MYO1E: variants seen among roughly 807,000 people sequenced by gnomAD.
The protein encoded by MYO1E is unconventional myosin-Ie.
MYO1E carries 68 observed loss-of-function variants against 151.1 expected under a neutral mutation model. The ratio of observed to expected loss-of-function variants is 0.45; its 90% CI spans 0.37 to 0.55. MYO1E has a LOEUF of 0.55. MYO1E is among the 20% of genes least tolerant of loss of function. MYO1E has a pLI of 0.00. For synonymous variants in MYO1E, 601 were observed against 501.7 expected, an observed-to-expected ratio of 1.20 and a Z score of -2.64; for missense variants, 1,363 against 1,389.3, an observed-to-expected ratio of 0.98 and a Z score of 0.30.
In MYO1E at chr15:59,222,508, A is replaced by G. The variant is rs116958997; in HGVS notation, c.910+551T>C. Among the ~76,000 whole-genome samples the G allele has an allele frequency of 1.9e-3, 286 of 152,342 alleles. No individual in the cohort carries two copies. In the Middle Eastern group the frequency reaches 0.02, roughly 11 times the overall value. On this transcript the variant is annotated intron_variant, in intron 9 of 27. Transcript: ENST00000288235. ...TCCAGGTATACAGATGTGATCATTAAAAGTGATCATCAGAAATGTCAACAC... is the reference window on the plus strand; with the variant it reads ...TCCAGGTATACAGATGTGATCATTAGAAGTGATCATCAGAAATGTCAACAC...
intron 1 of MYO1E, among the ~76,000 whole-genome samples, chr15:59,364,403 T>A (rs1205954418): frequency 6.6e-6 from 1 of 152,148 alleles, no homozygotes; most frequent in Non-Finnish European, 1.5e-5. Flanking sequence ...GCGGTTCTAG[T>A]GGGTGGAAGG....
intron 25 of MYO1E, among the ~76,000 whole-genome samples, chr15:59,156,786 C>G (rs1158382704): frequency 3.9e-5 from 6 of 152,152 alleles, no homozygotes; most frequent in Admixed American, 3.9e-4. Context: ...TTTTTATGAA[C>G]TGAATTTTGT....
intron 1 of MYO1E, among the ~76,000 whole-genome samples, chr15:59,346,022 C>CA (rs2080792333): frequency 6.6e-6 from 1 of 152,166 alleles, no homozygotes; most frequent in Non-Finnish European, 1.5e-5. Context: ...TTATAGTTTG[C>CA]AAAACACTTT....
chr15:59,199,545 C>T (rs192289989), intron 16 of MYO1E, among the ~76,000 whole-genome samples: 10 of 152,010 alleles, frequency 6.6e-5, no homozygotes, highest in South Asian at 2.1e-4. Flanking sequence ...CTTCCAGACA[C>T]GACAATATCG....
chr15:59,202,383 C>T lies in MYO1E; in HGVS notation c.1641G>A (p.Pro547=), dbSNP rs142116200. Reference sequence around the variant, plus strand: ...CTTTCTTGTCAGCCTGCAGATTTTCCGGAAATAAAGACTTTATGAAAGGCC... The same window carrying T: ...CTTTCTTGTCAGCCTGCAGATTTTCTGGAAATAAAGACTTTATGAAAGGCC... The part of the protein sequence containing the change: ...SELPFIKSLF[P]ENLQADKKGR... The change falls in exon 16 of 28, where the codon CCG becomes CCA. Residue 547 remains proline (P), a synonymous_variant. Coordinates refer to ENST00000288235, the MANE Select transcript of MYO1E (RefSeq NM_004998.4). The T allele has an allele frequency of 7.8e-5, 126 of 1,613,992 alleles. No homozygotes were observed. The African/African-American group carries it at 8.0e-4, about 10-fold the overall frequency.
At chr15:59,241,917 T>G (rs1456105677) in intron 4 of MYO1E, among the ~76,000 whole-genome samples, 2 of 141,712 alleles carry the variant, frequency 1.4e-5, no homozygotes, top group Non-Finnish European at 2.9e-5. Context: ...AGATCCTGTC[T>G]CTAAAAAATA....
chr15:59,186,951 A>C (rs550943946), intron 18 of MYO1E, among the ~76,000 whole-genome samples: 2 of 152,362 alleles, frequency 1.3e-5, no homozygotes, highest in African/African-American at 2.4e-5. Context: ...GGTCCTGCCA[A>C]ATACATGTTA....
chr15:59,336,752 AC>A (rs2080731317), intron 1 of MYO1E, among the ~76,000 whole-genome samples: 1 of 50,528 alleles, frequency 2.0e-5, no homozygotes, highest in Non-Finnish European at 4.0e-5. Flanking sequence ...CTAGCCCCCC[AC>A]CCCCTGACAG....
At chr15:59,339,715 A>G (rs1051979218) in intron 1 of MYO1E, among the ~76,000 whole-genome samples, 2 of 152,198 alleles carry the variant, frequency 1.3e-5, no homozygotes, top group East Asian at 1.9e-4. Flanking sequence ...CAGTCCATGT[A>G]TGGTGGCTCC....
chr15:59,316,797 C>G (rs1433048272), intron 1 of MYO1E, among the ~76,000 whole-genome samples: 1 of 152,194 alleles, frequency 6.6e-6, no homozygotes, highest in African/African-American at 2.4e-5. Flanking sequence ...TATGAAAACA[C>G]TGTGCTTTGT....
intron 3 of MYO1E, among the ~76,000 whole-genome samples, chr15:59,260,261 A>G (rs1293368917): frequency 2.0e-5 from 3 of 152,242 alleles, no homozygotes; most frequent in African/African-American, 7.2e-5. Flanking sequence ...TGATCAGGGC[A>G]CTAGGGCAGG....
At chr15:59,335,007 C>T (rs1426925553) in intron 1 of MYO1E, among the ~76,000 whole-genome samples, 5 of 152,142 alleles carry the variant, frequency 3.3e-5, no homozygotes, top group African/African-American at 1.2e-4. Context: ...CTAAGAATAT[C>T]CCTGAAGAAG....
At chr15:59,372,442 G>C (rs1363459761) in intron 1 of MYO1E, 56 bp downstream of exon 1, 15 of 1,535,916 alleles carry the variant, frequency 9.8e-6, no homozygotes, top group South Asian at 2.4e-5. Flanking sequence ...ACCACGCCGG[G>C]GTTTCCTGCC....
At chr15:59,262,014 C>T (rs1249301648) in intron 2 of MYO1E, among the ~76,000 whole-genome samples, 5 of 151,928 alleles carry the variant, frequency 3.3e-5, no homozygotes, top group Non-Finnish European at 5.9e-5. Context: ...CTAGCCTGGC[C>T]GACATGGTGA....
At position 59,135,639 on chromosome 15, in the gene MYO1E, GTTC is replaced by G. The variant is rs1206436980; in HGVS notation, c.*1738_*1740del. 3 of 152,184 alleles carry G rather than the reference GTTC, an allele frequency of 2.0e-5. No homozygotes were observed. The highest frequency in any genetic ancestry group is 7.2e-5 in the African/African-American group (3 of 41,454). The allele number at this position is 152,184 out of a possible 1,614,324, so 9.4% of individuals were successfully genotyped here. ...TGTTACAGAATGGAGTTTGCTCCCT[GTTC>G]TTGAAGTAAAACACAGCAGAATTAA... On this transcript the variant is annotated 3_prime_UTR_variant, in exon 28 of 28. Transcript: ENST00000288235.
chr15:59,238,983 A>G (rs1187083957), intron 4 of MYO1E, among the ~76,000 whole-genome samples: 13 of 151,224 alleles, frequency 8.6e-5, no homozygotes, highest in African/African-American at 2.9e-4. Context: ...AGGTGGACGG[A>G]TCATTTGAGG....
At chr15:59,273,182 T>C (rs1473625970) in intron 1 of MYO1E, among the ~76,000 whole-genome samples, 15 of 152,220 alleles carry the variant, frequency 9.9e-5, no homozygotes, top group African/African-American at 2.9e-4. Context: ...CTTGGGTAGA[T>C]GAAGCTGTGG....
At chr15:59,356,720 A>G (rs748233951) in intron 1 of MYO1E, among the ~76,000 whole-genome samples, 37 of 151,232 alleles carry the variant, frequency 2.4e-4, no homozygotes, top group Non-Finnish European at 4.9e-4. Context: ...TGGGACTACA[A>G]GTGTGTAACA....
At chr15:59,207,077 C>A in intron 14 of MYO1E, 1 of 1,614,206 alleles carries the variant, frequency 6.2e-7, no homozygotes, top group Non-Finnish European at 8.5e-7. Flanking sequence ...CTCTTCACCC[C>A]CGTGAGCAAG....
Sources: allele counts gnomAD v4.1 joint callset (sites outside exome capture counted in the v4.1 genomes callset), GRCh38; gene constraint gnomAD v4.1.1; transcripts MANE v1.5; gene names NCBI Gene and HGNC (gene_info 2026-07-23, HGNC 2026-07-21).